The following SETBP1 variants were observed in gnomAD, a reference collection of about 807,000 sequenced individuals.
SETBP1 encodes SET-binding protein.
SETBP1 carries 9 observed loss-of-function variants against 101.0 expected under a neutral mutation model. That is an observed-to-expected ratio of 0.09 (90% CI 0.05 to 0.16). The LOEUF is 0.16. Among genes scored for constraint, SETBP1 ranks in the 10% least tolerant of loss-of-function variants. The probability of loss-of-function intolerance (pLI) is 1.00; values close to 1 mark genes in which losing one functional copy is unlikely to be tolerated. For synonymous variants in SETBP1, 818 were observed against 788.5 expected (o/e 1.04, Z -0.63); for missense variants, 1,858 against 2,033.8 (o/e 0.91, Z 1.66).
chr18:44,876,785 T>G (rs1166323100), intron 3 of SETBP1: 3 of 1,472,198 alleles, frequency 2.0e-6, no homozygotes. Context: ...CCCACACCTG[T>G]GGTCATTCCC....
chr18:44,865,023 C>T (rs955704542), intron 2 of SETBP1, among the ~76,000 whole-genome samples: 2 of 152,058 alleles, frequency 1.3e-5, no homozygotes, highest in African/African-American at 4.8e-5. Context: ...CTCAATTTCC[C>T]CTGGATTTCT....
intron 4 of SETBP1, among the ~76,000 whole-genome samples, chr18:44,973,183 T>G (rs899564564): frequency 6.6e-6 from 1 of 152,224 alleles, no homozygotes; most frequent in African/African-American, 2.4e-5. Flanking sequence ...TTATGTTTAT[T>G]GATTTGCATA....
chr18:44,714,456 C>T (rs2069416456), intron 2 of SETBP1, among the ~76,000 whole-genome samples: 1 of 152,148 alleles, frequency 6.6e-6, no homozygotes, highest in African/African-American at 2.4e-5. Context: ...CCCGCCTTGG[C>T]CTCCCAAAGT....
chr18:44,890,662 C>T (rs1225587847), intron 3 of SETBP1, among the ~76,000 whole-genome samples: 2 of 152,204 alleles, frequency 1.3e-5, no homozygotes, highest in East Asian at 3.9e-4. Flanking sequence ...GACCTGTGGA[C>T]TATAATTTTT....
At chr18:44,771,145 A>G (rs913970981) in intron 2 of SETBP1, among the ~76,000 whole-genome samples, 2 of 151,882 alleles carry the variant, frequency 1.3e-5, no homozygotes, top group African/African-American at 4.8e-5. Flanking sequence ...ACAGATTCCC[A>G]GGATCCACTC....
intron 2 of SETBP1, among the ~76,000 whole-genome samples, chr18:44,739,580 C>A (rs2070052717): frequency 2.6e-5 from 4 of 152,146 alleles, no homozygotes; most frequent in African/African-American, 9.7e-5. Flanking sequence ...TATTTTCATT[C>A]ATCTGAGGTT....
At chr18:44,991,796 A>G (rs2072384419) in intron 4 of SETBP1, among the ~76,000 whole-genome samples, 1 of 152,208 alleles carries the variant, frequency 6.6e-6, no homozygotes, top group Admixed American at 6.5e-5. Flanking sequence ...TCTAATTGTA[A>G]TAAACACGCA....
At chr18:44,790,888 A>G (rs1356051298) in intron 2 of SETBP1, among the ~76,000 whole-genome samples, 1 of 152,216 alleles carries the variant, frequency 6.6e-6, no homozygotes, top group African/African-American at 2.4e-5. Context: ...TCCACCCTGA[A>G]CGAACACAAA....
intron 4 of SETBP1, among the ~76,000 whole-genome samples, chr18:45,021,659 C>A (rs898771905): frequency 6.6e-6 from 1 of 152,126 alleles, no homozygotes; most frequent in African/African-American, 2.4e-5. Flanking sequence ...AACCCCAGAG[C>A]AAATATATAA....
intron 2 of SETBP1, among the ~76,000 whole-genome samples, chr18:44,760,660 C>A (rs1303384295): frequency 6.6e-6 from 1 of 152,214 alleles, no homozygotes; most frequent in Non-Finnish European, 1.5e-5. Context: ...ATTCAAATTT[C>A]AAGTGTAGTG....
chr18:44,934,583 G>A (rs2070917574), intron 3 of SETBP1, among the ~76,000 whole-genome samples: 1 of 152,196 alleles, frequency 6.6e-6, no homozygotes, highest in South Asian at 2.1e-4. Context: ...TTCCCACTGT[G>A]TAGGAAACTC....
intron 2 of SETBP1, among the ~76,000 whole-genome samples, chr18:44,729,405 CA>C (rs1283277706): frequency 1.3e-5 from 2 of 152,114 alleles, no homozygotes; most frequent in Non-Finnish European, 2.9e-5. Context: ...GAGACAGCAT[CA>C]GAAGGGAATT....
intron 3 of SETBP1, among the ~76,000 whole-genome samples, chr18:44,914,864 C>G (rs2070391063): frequency 6.6e-6 from 1 of 152,104 alleles, no homozygotes; most frequent in Admixed American, 6.6e-5. Context: ...AGACTCCACC[C>G]AAGCCAACGT....
At position 44,951,430 on chromosome 18, in the gene SETBP1, A is replaced by C; in HGVS notation, c.2090A>C (p.Glu697Ala). 6.2e-7 allele frequency: 1 copy of C among 1,614,160 alleles called. No homozygotes were observed. ...GCTCTGAAGGCAAAAGCTCCCCCAGAGACCAGCCCTGGGGCAGCAGCCATT... is the reference window on the plus strand; with the variant it reads ...GCTCTGAAGGCAAAAGCTCCCCCAGCGACCAGCCCTGGGGCAGCAGCCATT... ...SVALKAKAPP[E>A]TSPGAAAIES... Residue 697 changes from glutamate (E) to alanine (A), a missense_variant, in exon 4 of 6, where the codon GAG (glutamate) becomes GCG (alanine). This residue lies in a region of SETBP1 where 111 missense variants were observed against 119.3 expected (regional missense o/e 0.93). Transcript: ENST00000649279. This position sits in a 1 kb window ranked among gnomAD's most constrained non-coding sequence, Gnocchi z 7.8.
chr18:44,892,708 G>A (rs184657054), intron 3 of SETBP1, among the ~76,000 whole-genome samples: 116 of 152,164 alleles, frequency 7.6e-4, no homozygotes, highest in African/African-American at 2.7e-3. Flanking sequence ...CTATCTACTG[G>A]TTTTATTGTA....
At chr18:44,691,240 A>G (rs1489894309) in intron 1 of SETBP1, among the ~76,000 whole-genome samples, 3 of 152,186 alleles carry the variant, frequency 2.0e-5, no homozygotes, top group East Asian at 3.9e-4. Flanking sequence ...TCTGGACCTT[A>G]ATTTCCAGGT....
intron 3 of SETBP1, chr18:44,876,514 T>G: frequency 7.6e-7 from 1 of 1,320,320 alleles, no homozygotes; most frequent in Non-Finnish European, 1.1e-6. Flanking sequence ...GTCTGGATAT[T>G]GGTATTTTCA....
intron 4 of SETBP1, among the ~76,000 whole-genome samples, chr18:44,997,507 C>T (rs1205395798): frequency 1.3e-5 from 2 of 152,142 alleles, no homozygotes; most frequent in East Asian, 3.9e-4. Flanking sequence ...ACAGTTTCCC[C>T]TTAGGTAGAG....
intron 2 of SETBP1, among the ~76,000 whole-genome samples, chr18:44,802,323 G>C (rs1290173731): frequency 6.6e-6 from 1 of 152,154 alleles, no homozygotes; most frequent in Non-Finnish European, 1.5e-5. Context: ...AAGAACCTTT[G>C]TGCAGATGGC....
Sources: gnomAD v4.1 joint callset for allele counts (sites outside exome capture counted in the v4.1 genomes callset) on GRCh38, gnomAD v4.1.1 for gene constraint, gnomAD v4.1.1 regional missense constraint, Gnocchi (gnomAD v3.1) non-coding constraint, MANE v1.5 for transcripts, NCBI Gene and HGNC (gene_info 2026-07-23, HGNC 2026-07-21) for gene names.